STK32C: variants seen among roughly 807,000 people sequenced by gnomAD.
STK32C encodes the protein serine/threonine-protein kinase 32C.
In STK32C, 31 loss-of-function variants were observed where a neutral mutation model predicts 56.5. The observed-to-expected ratio is 0.55, with a 90% CI of 0.41 to 0.74. The LOEUF is 0.74. Ranked by LOEUF, STK32C falls within the 30% of genes least tolerant of loss-of-function variation. STK32C has a pLI of 0.00. For missense variants in STK32C, 544 were observed against 676.9 expected, an observed-to-expected ratio of 0.80 and a Z score of 2.18; for synonymous variants, 309 against 289.4, an observed-to-expected ratio of 1.07 and a Z score of -0.69.
chr10:132,290,501 G>A (rs1281269326), intron 1 of STK32C, among the ~76,000 whole-genome samples: 2 of 152,216 alleles, frequency 1.3e-5, no homozygotes. Flanking sequence ...GTGTATGCAT[G>A]CACGCTCATA....
chr10:132,253,576 AG>A (rs2063998088), intron 1 of STK32C, among the ~76,000 whole-genome samples: 1 of 135,392 alleles, frequency 7.4e-6, no homozygotes, highest in Non-Finnish European at 1.6e-5. Context: ...AGGGAGCTGG[AG>A]GGAGCTGGAG....
At chr10:132,316,410 T>A (rs2066310901) in intron 1 of STK32C, among the ~76,000 whole-genome samples, 2 of 152,018 alleles carry the variant, frequency 1.3e-5, no homozygotes, top group Non-Finnish European at 2.9e-5. Flanking sequence ...CCCAGAAGTC[T>A]ACGACCAGCC....
chr10:132,233,202 C>T (rs570074060), intron 2 of STK32C, among the ~76,000 whole-genome samples: 23 of 152,106 alleles, frequency 1.5e-4, no homozygotes, highest in Non-Finnish European at 2.8e-4. Context: ...GTGTCTGCAG[C>T]GGCTGAAGAA....
chr10:132,243,498 G>A (rs537667426), intron 2 of STK32C, among the ~76,000 whole-genome samples: 2 of 152,298 alleles, frequency 1.3e-5, no homozygotes, highest in Admixed American at 1.3e-4. Flanking sequence ...TTTTCTCCAA[G>A]TCTAGATTCC....
intron 1 of STK32C, among the ~76,000 whole-genome samples, chr10:132,271,421 A>G (rs11146300): frequency 0.34 from 51,448 of 152,166 alleles, 9,042 homozygotes; most frequent in African/African-American, 0.37. Context: ...CAGAGCCCCC[A>G]GCTCCTTGTC....
At chr10:132,211,424 C>T (rs1275564224) in intron 10 of STK32C, among the ~76,000 whole-genome samples, 1 of 152,212 alleles carries the variant, frequency 6.6e-6, no homozygotes, top group Non-Finnish European at 1.5e-5. Context: ...GCAACGTCCA[C>T]AGCCATGTTT....
At position 132,330,672 on chromosome 10, in the gene STK32C, ATTTT is replaced by A. The variant is rs57850207; in HGVS notation, c.301+760_301+763del. On this transcript the variant is annotated intron_variant, in intron 1 of 1. Transcript: ENST00000368619. ...ACAGGTGTGTGCCACCACACCCAGCATTTTTTTTTTTTTTTTTTTTTAATTTTTG... is the reference window on the plus strand; with the variant it reads ...ACAGGTGTGTGCCACCACACCCAGCATTTTTTTTTTTTTTTTTAATTTTTG... 1.9e-3 allele frequency among the ~76,000 whole-genome samples: 241 copies of A among 126,938 alleles called. 1 individual carries two copies. Among genetic ancestry groups the A allele is most frequent in the African/African-American group, 4.9e-3 (164 of 33,590 alleles). The allele number at this position is 126,938 out of a possible 152,430, so 83.3% of individuals were successfully genotyped here.
At chr10:132,260,268 G>A (rs1437912289) in intron 1 of STK32C, among the ~76,000 whole-genome samples, 2 of 152,178 alleles carry the variant, frequency 1.3e-5, no homozygotes, top group African/African-American at 4.8e-5. Context: ...ACTGGGGAAT[G>A]TACCAAAGCC....
intron 1 of STK32C, among the ~76,000 whole-genome samples, chr10:132,316,061 G>C (rs556175173): frequency 6.6e-6 from 1 of 152,112 alleles, no homozygotes; most frequent in Non-Finnish European, 1.5e-5. Flanking sequence ...AGAAAAATAA[G>C]AGATGTTAAA....
intron 1 of STK32C, among the ~76,000 whole-genome samples, chr10:132,275,430 T>C (rs1376030742): frequency 2.0e-5 from 3 of 152,208 alleles, no homozygotes; most frequent in Non-Finnish European, 4.4e-5. Flanking sequence ...CTTGGAAACA[T>C]CTAGATGTCG....
At chr10:132,253,402 C>T (rs926763711) in intron 1 of STK32C, among the ~76,000 whole-genome samples, 2 of 138,638 alleles carry the variant, frequency 1.4e-5, no homozygotes, top group African/African-American at 3.0e-5. Flanking sequence ...TGGAGGGAGT[C>T]GAGGGAGCTG....
intron 2 of STK32C, among the ~76,000 whole-genome samples, chr10:132,244,508 G>A (rs1276476100): frequency 2.6e-5 from 4 of 152,166 alleles, no homozygotes; most frequent in South Asian, 2.1e-4. Context: ...GGGGGCCCCA[G>A]GAAACAGCAC....
At chr10:132,248,911 C>T in intron 1 of STK32C, 1 of 455,238 alleles carries the variant, frequency 2.2e-6, no homozygotes, top group Non-Finnish European at 4.4e-6. Flanking sequence ...AGAGAATAAG[C>T]ACAAGTTCCC....
chr10:132,219,069 C>A (rs775298136), intron 10 of STK32C, among the ~76,000 whole-genome samples: 3 of 152,240 alleles, frequency 2.0e-5, no homozygotes, highest in African/African-American at 7.2e-5. Flanking sequence ...GGCATGACTG[C>A]TAATAGGTGG....
intron 1 of STK32C, among the ~76,000 whole-genome samples, chr10:132,325,207 T>G (rs1263821091): frequency 6.6e-6 from 1 of 152,092 alleles, no homozygotes; most frequent in Non-Finnish European, 1.5e-5. Context: ...GTCTTTCCCA[T>G]GTTGTTCTCA....
At chr10:132,246,404 C>T (rs546316231) in intron 1 of STK32C, among the ~76,000 whole-genome samples, 176 of 152,332 alleles carry the variant, frequency 1.2e-3, no homozygotes, top group African/African-American at 3.9e-3. Context: ...CACCCTGCTC[C>T]GCGTCTCCAG....
chr10:132,320,368 G>A (rs11591850), downstream of STK32C, among the ~76,000 whole-genome samples: 21,324 of 152,090 alleles, frequency 0.14, 2,031 homozygotes, highest in Non-Finnish European at 0.22. Context: ...GAATCTGCAC[G>A]GCGGTGACTG....
At position 132,226,801 on chromosome 10, in the gene STK32C, A is replaced by G; in HGVS notation, c.638T>C (p.Ile213Thr). ...CCGTCTGCCACGCACACACCTGTGG[A>G]TGATGTGCTGGCCGCGCAGGTAGTC... Reference protein sequence around the residue: ...ALDYLRGQHIIHRDVKPDNIL... With the variant: ...ALDYLRGQHITHRDVKPDNIL... Residue 213 changes from isoleucine (I) to threonine (T), a missense_variant, in exon 4 of 12, where the codon ATC becomes ACC. This residue lies in a region of STK32C where 85 missense variants were observed against 149.9 expected (regional missense o/e 0.57). Transcript: ENST00000298630. The G allele has an allele frequency of 1.2e-6, 2 of 1,612,744 alleles. No homozygotes were observed. The highest frequency in any genetic ancestry group is 1.7e-6 in the Non-Finnish European group (2 of 1,179,976).
intron 10 of STK32C, among the ~76,000 whole-genome samples, chr10:132,221,506 C>T (rs1168112338): frequency 1.4e-5 from 2 of 143,948 alleles, no homozygotes; most frequent in African/African-American, 5.2e-5. Flanking sequence ...GTGGCCATCC[C>T]TGCACACACA....
Sources: allele counts gnomAD v4.1 joint callset (sites outside exome capture counted in the v4.1 genomes callset), GRCh38; gene constraint gnomAD v4.1.1; regional missense constraint gnomAD v4.1.1; transcripts MANE v1.5; gene names NCBI Gene and HGNC (gene_info 2026-07-23, HGNC 2026-07-21).